Variants in CCDC3 observed in about 807,000 individuals in gnomAD.
The protein encoded by CCDC3 is coiled-coil domain-containing protein 3.
A neutral mutation model predicts 21.4 loss-of-function variants in CCDC3; 24 were observed. The observed-to-expected ratio is 1.12, with a 90% confidence interval of 0.81 to 1.58. CCDC3 has a LOEUF of 1.58. Among genes scored for constraint, CCDC3 ranks in the 40% most tolerant of loss-of-function variants. The pLI, the probability that CCDC3 is intolerant of heterozygous loss-of-function variation, is 0.00. For synonymous variants in CCDC3, 186 were observed against 166.0 expected (o/e 1.12, Z -0.93); for missense variants, 425 against 360.9 (o/e 1.18, Z -1.44).
chr10:12,986,653 A>G (rs1835597538), intron 2 of CCDC3, among the ~76,000 whole-genome samples: 1 of 152,106 alleles, frequency 6.6e-6, no homozygotes, highest in Non-Finnish European at 1.5e-5. Context: ...GGACGCCTGT[A>G]GTCCCAGCTA....
At chr10:13,020,780 G>A (rs1836135352) in intron 5 of CCDC3, among the ~76,000 whole-genome samples, 1 of 151,966 alleles carries the variant, frequency 6.6e-6, no homozygotes, top group African/African-American at 2.4e-5. Flanking sequence ...GAGGAGGCAT[G>A]GAATAACAAC....
chr10:13,042,590 C>T (rs1373706587), intron 5 of CCDC3, among the ~76,000 whole-genome samples: 1 of 152,150 alleles, frequency 6.6e-6, no homozygotes, highest in African/African-American at 2.4e-5. Flanking sequence ...TGCTTGGTTA[C>T]CTTCTAAAAT....
At chr10:13,091,422 A>T (rs1448769948) in intron 3 of CCDC3, among the ~76,000 whole-genome samples, 1 of 152,128 alleles carries the variant, frequency 6.6e-6, no homozygotes, top group East Asian at 1.9e-4. Flanking sequence ...ACACTGCAAG[A>T]TGATGTCTAT....
Position 12,918,481 on chromosome 10 carries a change from G to A in CCDC3, c.550-19802C>T, listed in dbSNP as rs78557166. 4.3e-3 allele frequency among the ~76,000 whole-genome samples: 661 copies of A among 152,268 alleles called. 7 individuals are homozygous for A. Among genetic ancestry groups the A allele is most frequent in the African/African-American group, 0.015 (624 of 41,534 alleles). On this transcript the variant is annotated intron_variant, in intron 2 of 2. Coordinates refer to ENST00000378825, the MANE Select transcript of CCDC3 (RefSeq NM_031455.4). ...TCCTTAAAGACACTTGATTCCTTCTGTAATTCCTAATCAGGGAACCAAAGC... is the reference window on the plus strand; with the variant it reads ...TCCTTAAAGACACTTGATTCCTTCTATAATTCCTAATCAGGGAACCAAAGC...
At chr10:13,022,052 G>A (rs757954139) in intron 5 of CCDC3, among the ~76,000 whole-genome samples, 3 of 152,016 alleles carry the variant, frequency 2.0e-5, no homozygotes, top group Admixed American at 6.6e-5. Context: ...GAGCTACCAC[G>A]CCCAGCCTTA....
chr10:12,961,123 T>G lies in CCDC3; in HGVS notation c.549+37215A>C, dbSNP rs190756590. Among the ~76,000 whole-genome samples the G allele has an allele frequency of 1.2e-3, 176 of 152,312 alleles. 1 individual carries two copies. Among genetic ancestry groups the G allele is most frequent in the Middle Eastern group, 6.8e-3 (2 of 294 alleles). On this transcript the variant is annotated intron_variant, in intron 2 of 2. Transcript: ENST00000378825. The stretch of plus-strand genomic sequence containing the variant: ...TTCCAGAAACATCTCTGTGCAGTGC[T>G]GCGTGAGCACCGGCTGGGAATTCCA...
Position 13,001,611 on chromosome 10 carries a change from C to A in CCDC3, c.-41G>T, listed in dbSNP as rs1329696424. The A allele has an allele frequency of 1.5e-5, 17 of 1,110,092 alleles. No individual in the cohort carries two copies. The highest frequency in any genetic ancestry group is 1.8e-5 in the Non-Finnish European group (16 of 911,044). The allele number at this position is 1,110,092 out of a possible 1,614,324, so 68.8% of individuals were successfully genotyped here. ...GGCGCACGGGGCGGCGGCGGGGAGCCCGGGGAGCCCGCCGGCCCGGGAAGG... is the reference window on the plus strand; with the variant it reads ...GGCGCACGGGGCGGCGGCGGGGAGCACGGGGAGCCCGCCGGCCCGGGAAGG... On this transcript the variant is annotated 5_prime_UTR_variant, in exon 1 of 3. Coordinates refer to ENST00000378825, the MANE Select transcript of CCDC3 (RefSeq NM_031455.4).
intron 4 of CCDC3, among the ~76,000 whole-genome samples, chr10:13,068,014 C>G (rs753875930): frequency 6.6e-6 from 1 of 152,126 alleles, no homozygotes; most frequent in Non-Finnish European, 1.5e-5. Context: ...CCTTGTCACT[C>G]TTAATGTATG....
chr10:12,971,847 C>T (rs564817139), intron 2 of CCDC3, among the ~76,000 whole-genome samples: 1 of 152,186 alleles, frequency 6.6e-6, no homozygotes, highest in Non-Finnish European at 1.5e-5. Context: ...CCACCATGCC[C>T]GGCTAATTTT....
intron 3 of CCDC3, among the ~76,000 whole-genome samples, chr10:13,077,800 A>G (rs1370996936): frequency 6.6e-6 from 1 of 152,256 alleles, no homozygotes; most frequent in Non-Finnish European, 1.5e-5. Flanking sequence ...AAAACTGGCT[A>G]GCCATATGTA....
chr10:12,915,398 T>C (rs539207721), intron 2 of CCDC3, among the ~76,000 whole-genome samples: 3 of 152,338 alleles, frequency 2.0e-5, no homozygotes, highest in African/African-American at 7.2e-5. Context: ...CAATTGTTTT[T>C]CTGCATTTTG....
At chr10:12,930,827 C>T (rs181058015) in intron 2 of CCDC3, among the ~76,000 whole-genome samples, 2 of 152,286 alleles carry the variant, frequency 1.3e-5, no homozygotes, top group Admixed American at 1.3e-4. Context: ...AAGCCCCATT[C>T]TAGGGTACCT....
intron 5 of CCDC3, among the ~76,000 whole-genome samples, chr10:13,028,366 C>A (rs1488339761): frequency 1.3e-5 from 2 of 152,102 alleles, no homozygotes; most frequent in Admixed American, 1.3e-4. Context: ...AACTGTGAGT[C>A]CATTAAACCT....
chr10:12,995,480 G>A (rs1267755440), intron 2 of CCDC3, among the ~76,000 whole-genome samples: 2 of 152,200 alleles, frequency 1.3e-5, no homozygotes, highest in African/African-American at 2.4e-5. Flanking sequence ...GACCTCAAGT[G>A]ATCCGCCGAC....
intron 2 of CCDC3, among the ~76,000 whole-genome samples, chr10:12,985,792 A>G (rs989251741): frequency 6.6e-6 from 1 of 152,222 alleles, no homozygotes; most frequent in Non-Finnish European, 1.5e-5. Context: ...GGTAGCAGGA[A>G]GAAGCCACTT....
At chr10:13,015,342 G>A (rs1392148373) in intron 5 of CCDC3, among the ~76,000 whole-genome samples, 1 of 152,092 alleles carries the variant, frequency 6.6e-6, no homozygotes, top group Non-Finnish European at 1.5e-5. Context: ...AATTCCGAAA[G>A]GGCTAGATCA....
intron 2 of CCDC3, among the ~76,000 whole-genome samples, chr10:12,989,252 T>A (rs914043069): frequency 6.6e-6 from 1 of 152,120 alleles, no homozygotes; most frequent in South Asian, 2.1e-4. Flanking sequence ...GTCACAAACC[T>A]CCCTTCACTC....
At chr10:13,057,300 C>T (rs545704) in intron 4 of CCDC3, among the ~76,000 whole-genome samples, 111,365 of 151,572 alleles carry the variant, frequency 0.73, 41,115 homozygotes, top group African/African-American at 0.79. Context: ...TTAAAAAAAA[C>T]AATAAAAATT....
chr10:12,976,229 C>T (rs998513553), intron 2 of CCDC3, among the ~76,000 whole-genome samples: 1 of 152,208 alleles, frequency 6.6e-6, no homozygotes. Context: ...AACCTGCAGT[C>T]AGGAAATGAG....
Sources: allele counts gnomAD v4.1 joint callset (sites outside exome capture counted in the v4.1 genomes callset), GRCh38; gene constraint gnomAD v4.1.1; transcripts MANE v1.5; gene names NCBI Gene and HGNC (gene_info 2026-07-23, HGNC 2026-07-21).